GAL3ST2: variants seen among roughly 807,000 people sequenced by gnomAD.
GAL3ST2 encodes galactose-3-O-sulfotransferase 2.
A neutral mutation model predicts 12.9 loss-of-function variants in GAL3ST2; 16 were observed. That is an observed-to-expected ratio of 1.24 (90% CI 0.84 to 1.88). The LOEUF is 1.88. Among genes scored for constraint, GAL3ST2 ranks in the 40% most tolerant of loss-of-function variants. The pLI is 0.00. For missense variants in GAL3ST2, 639 were observed against 571.8 expected, an observed-to-expected ratio of 1.12 and a Z score of -1.20; for synonymous variants, 302 against 273.9, an observed-to-expected ratio of 1.10 and a Z score of -1.01.
At chr2:241,791,082 T>C (rs940018036) in intron 1 of GAL3ST2, among the ~76,000 whole-genome samples, 5 of 152,212 alleles carry the variant, frequency 3.3e-5, no homozygotes, top group Admixed American at 3.3e-4. Context: ...GTCTCATGTC[T>C]CCCTAAAAAT....
intron 1 of GAL3ST2, among the ~76,000 whole-genome samples, chr2:241,791,617 T>C (rs1185285250): frequency 6.6e-6 from 1 of 152,210 alleles, no homozygotes; most frequent in Admixed American, 6.5e-5. Context: ...ATGGCACAAA[T>C]TCGTGGCTGG....
chr2:241,796,787 G>T (rs940140886), intron 1 of GAL3ST2, among the ~76,000 whole-genome samples: 7 of 152,110 alleles, frequency 4.6e-5, no homozygotes, highest in South Asian at 4.1e-4. Context: ...TGGTTCCCGT[G>T]GGGGGCTGGG....
chr2:241,802,225 G>A lies in GAL3ST2; in HGVS notation c.375+189G>A, dbSNP rs1349374105. Among the ~76,000 whole-genome samples the A allele has an allele frequency of 6.6e-6, 1 of 152,162 alleles. No homozygotes were observed. Among genetic ancestry groups the A allele is most frequent in the Non-Finnish European group, 1.5e-5 (1 of 68,022 alleles). ...CCCCTGCCCCTCCAGGCGGCCAGTCGCCTGCCGTTGCTCTTGGAATGAGAC... is the reference window on the plus strand; with the variant it reads ...CCCCTGCCCCTCCAGGCGGCCAGTCACCTGCCGTTGCTCTTGGAATGAGAC... On this transcript the variant is annotated intron_variant, in intron 3 of 3. Coordinates refer to ENST00000192314, the MANE Select transcript of GAL3ST2 (RefSeq NM_022134.3). The surrounding 1 kb of genome is among the most constrained non-coding windows in gnomAD (Gnocchi z 4.8).
chr2:241,796,188 C>T (rs995535941), intron 1 of GAL3ST2, among the ~76,000 whole-genome samples: 19 of 152,146 alleles, frequency 1.2e-4, no homozygotes, highest in Non-Finnish European at 2.8e-4. Flanking sequence ...GCTGGGGGTT[C>T]CGGTGTGGAC....
rs780795881 is a variant in GAL3ST2 at position 241,801,846 on chromosome 2, C to G, written c.185C>G (p.Thr62Arg). 6.8e-6 allele frequency: 11 copies of G among 1,612,848 alleles called. No individual in the cohort carries two copies. Among genetic ancestry groups the G allele is most frequent in the Non-Finnish European group, 9.3e-6 (11 of 1,179,964 alleles). ...ATCATGTTCCTGAAGACGCACAAGACGGCCAGCAGCACGGTGCTCAACATC... is the reference window on the plus strand; with the variant it reads ...ATCATGTTCCTGAAGACGCACAAGAGGGCCAGCAGCACGGTGCTCAACATC... ...TNIMFLKTHK[T>R]ASSTVLNILY... The change falls in exon 3 of 4, where the codon ACG (threonine) becomes AGG (arginine). Residue 62 changes from threonine to arginine, a missense_variant. Coordinates refer to ENST00000192314, the MANE Select transcript of GAL3ST2 (RefSeq NM_022134.3). This position sits in a 1 kb window ranked among gnomAD's most constrained non-coding sequence, Gnocchi z 4.4.
In GAL3ST2 at chr2:241,803,655, ACCTGGACGAGTC is replaced by A. The variant is rs1226966941; in HGVS notation, c.692_703del (p.Asp231_Leu234del). ...TTCCGGCTGGTGCTCATCGCCGAGC[ACCTGGACGAGTC>A]CCTGGTGCTGCTGCGGCGCCGGCTG... On this transcript the variant is annotated inframe_deletion, in exon 4 of 4. Transcript: ENST00000192314. 6.5e-7 allele frequency: 1 copy of A among 1,549,756 alleles called. No individual in the cohort carries two copies. Among genetic ancestry groups the A allele is most frequent in the East Asian group, 2.4e-5 (1 of 40,900 alleles).
chr2:241,777,167 C>G (rs1401555257), intron 1 of GAL3ST2, among the ~76,000 whole-genome samples, 183 bp downstream of exon 1: 1 of 152,250 alleles, frequency 6.6e-6, no homozygotes, highest in Admixed American at 6.5e-5. Flanking sequence ...GGGGGCCCCT[C>G]CTGCCCAGGC....
At chr2:241,799,916 G>T (rs1423598521) in intron 2 of GAL3ST2, among the ~76,000 whole-genome samples, 1 of 152,222 alleles carries the variant, frequency 6.6e-6, no homozygotes, top group East Asian at 1.9e-4. Flanking sequence ...GTCATGATGG[G>T]ATTCTAGGAG....
In GAL3ST2 at chr2:241,801,852, G is replaced by C; in HGVS notation, c.191G>C (p.Ser64Thr). Residue 64 changes from serine (S) to threonine (T), a missense_variant, in exon 3 of 4, where the codon AGC becomes ACC. Ser to Thr is a moderately conservative substitution (Grantham distance 58, BLOSUM62 1). Coordinates refer to ENST00000192314, the MANE Select transcript of GAL3ST2 (RefSeq NM_022134.3). The surrounding 1 kb of genome is among the most constrained non-coding windows in gnomAD (Gnocchi z 4.4). ...IMFLKTHKTA[S>T]STVLNILYRF... ...TTCCTGAAGACGCACAAGACGGCCA[G>C]CAGCACGGTGCTCAACATCCTCTAC... 2 of 1,613,000 alleles carry C rather than the reference G, an allele frequency of 1.2e-6. No homozygotes were observed. The highest frequency in any genetic ancestry group is 2.2e-5 in the South Asian group (2 of 91,090).
chr2:241,781,726 C>T (rs1699569826), intron 1 of GAL3ST2, among the ~76,000 whole-genome samples: 1 of 152,216 alleles, frequency 6.6e-6, no homozygotes, highest in Non-Finnish European at 1.5e-5. Flanking sequence ...GACAATGCTT[C>T]CTGTATAACT....
rs199680376 is a variant in GAL3ST2, at chr2:241,799,080, C to T, written c.45C>T (p.Ile15=). 23 of 1,577,792 alleles carry T rather than the reference C, an allele frequency of 1.5e-5. No individual in the cohort carries two copies. The African/African-American group carries it at 2.2e-4, about 15-fold the overall frequency. The part of the protein sequence containing the change: ...LGGLQRYFRV[I]LLLLLALTLL... ...CTTTCCACAGATACTTCCGGGTCAT[C>T]CTCCTCCTCCTCCTGGCCCTGACTC... is the stretch of plus-strand genomic sequence containing the variant. Residue 15 remains isoleucine (I), a synonymous_variant, in exon 2 of 4, where the codon ATC becomes ATT. Transcript: ENST00000192314.
chr2:241,778,072 AGG>A (rs1406194070), intron 1 of GAL3ST2, among the ~76,000 whole-genome samples: 2 of 152,220 alleles, frequency 1.3e-5, no homozygotes, highest in Non-Finnish European at 2.9e-5. Context: ...CACTAAGGCC[AGG>A]GAGCTTTGGC....
rs1013569341 is a variant in GAL3ST2 at position 241,776,891 on chromosome 2, G to A, written c.-65G>A. On this transcript the variant is annotated 5_prime_UTR_variant, in exon 1 of 4. Coordinates refer to ENST00000192314, the MANE Select transcript of GAL3ST2 (RefSeq NM_022134.3). ...GGGGAGCCCAGAGCCGGCAGGGGCCGAGGCGGTGGGACCTCGGGGGAGCTC... is the reference window on the plus strand; with the variant it reads ...GGGGAGCCCAGAGCCGGCAGGGGCCAAGGCGGTGGGACCTCGGGGGAGCTC... 20 of 1,371,756 alleles carry A rather than the reference G, an allele frequency of 1.5e-5. No homozygotes were observed. Among genetic ancestry groups the A allele is most frequent in the African/African-American group, 1.0e-4 (7 of 66,984 alleles). 85.0% of individuals were successfully genotyped at this position (1,371,756 alleles called of 1,614,324 possible). A position where few individuals can be genotyped will look rare whatever the true frequency, so the allele number is the denominator to read the frequency against.
intron 1 of GAL3ST2, among the ~76,000 whole-genome samples, chr2:241,791,583 G>T (rs1011457699): frequency 3.3e-5 from 5 of 152,188 alleles, no homozygotes; most frequent in African/African-American, 1.2e-4. Context: ...AAGCGATGAG[G>T]ATGACTCAAC....
Position 241,803,595 on chromosome 2 carries a change from A to G in GAL3ST2, c.626A>G (p.Tyr209Cys). 6.3e-7 allele frequency: 1 copy of G among 1,576,410 alleles called. No individual in the cohort carries two copies. Among genetic ancestry groups the G allele is most frequent in the Non-Finnish European group, 8.6e-7 (1 of 1,160,242 alleles). The change falls in exon 4 of 4, where the codon TAC (tyrosine) becomes TGC (cysteine). Residue 209 changes from tyrosine (Y) to cysteine (C), a missense_variant. Transcript: ENST00000192314. The stretch of plus-strand genomic sequence containing the variant: ...CCCAACGCGCAGTGCGAGGAGGGCT[A>G]CGTGCGCGCGCGCATCGCCGAGGTG... ...FDPNAQCEEG[Y>C]VRARIAEVER...
intron 1 of GAL3ST2, among the ~76,000 whole-genome samples, chr2:241,789,587 A>G (rs190299668): frequency 6.6e-6 from 1 of 152,364 alleles, no homozygotes; most frequent in Non-Finnish European, 1.5e-5. Flanking sequence ...ATGGATCTAT[A>G]ACATGTACTT....
rs1699720619 is a variant in GAL3ST2 at position 241,793,252 on chromosome 2, T to G, written c.30-5813T>G. ...TCTCAGTTAATTTAGAAAGTTTATTTTGCCATAAAGTTCATCCATGTCCAG... is the reference window on the plus strand; with the variant it reads ...TCTCAGTTAATTTAGAAAGTTTATTGTGCCATAAAGTTCATCCATGTCCAG... On this transcript the variant is annotated intron_variant, in intron 1 of 3. Transcript: ENST00000192314. The surrounding 1 kb of genome is among the most constrained non-coding windows in gnomAD (Gnocchi z 4.7). Among the ~76,000 whole-genome samples, 1 of 152,264 alleles carries G rather than the reference T, an allele frequency of 6.6e-6. No individual in the cohort carries two copies. Among genetic ancestry groups the G allele is most frequent in the Non-Finnish European group, 1.5e-5 (1 of 68,048 alleles).
chr2:241,784,676 C>T (rs902505684), intron 1 of GAL3ST2, among the ~76,000 whole-genome samples: 6 of 152,130 alleles, frequency 3.9e-5, no homozygotes, highest in African/African-American at 1.4e-4. Context: ...ACTAGTGAAA[C>T]ATTGTGTACA....
intron 2 of GAL3ST2, 123 bp downstream of exon 2, chr2:241,799,277 G>A (rs1362786993): frequency 2.3e-6 from 2 of 879,814 alleles, no homozygotes; most frequent in Non-Finnish European, 3.7e-6. Context: ...AAGAGGAGGG[G>A]TGGATGGGCC....
Sources: gnomAD v4.1 joint callset for allele counts (sites outside exome capture counted in the v4.1 genomes callset) on GRCh38, gnomAD v4.1.1 for gene constraint, Gnocchi (gnomAD v3.1) non-coding constraint, MANE v1.5 for transcripts, NCBI Gene and HGNC (gene_info 2026-07-23, HGNC 2026-07-21) for gene names.